Variants in OSBPL11 observed in about 807,000 individuals in gnomAD.
OSBPL11 encodes oxysterol binding protein like 11, also known as oxysterol-binding protein-related protein 11.
Under a neutral mutation model 84.4 loss-of-function variants are expected in OSBPL11, and 33 were observed. That is an observed-to-expected ratio of 0.39 (90% confidence interval 0.30 to 0.52). The LOEUF is 0.52. OSBPL11 is among the 20% of genes least tolerant of loss of function. The pLI is 0.72. For missense variants in OSBPL11, 736 were observed against 901.1 expected, an observed-to-expected ratio of 0.82 and a Z score of 2.35; for synonymous variants, 276 against 310.2, an observed-to-expected ratio of 0.89 and a Z score of 1.16.
At chr3:125,572,429 G>A (rs1166287292) in intron 5 of OSBPL11, among the ~76,000 whole-genome samples, 1 of 152,094 alleles carries the variant, frequency 6.6e-6, no homozygotes, top group East Asian at 1.9e-4. Context: ...ATGAGATTTG[G>A]GAGGGGCCAG....
chr3:125,566,630 C>G (rs1433585889), intron 6 of OSBPL11, among the ~76,000 whole-genome samples: 1 of 152,126 alleles, frequency 6.6e-6, no homozygotes, highest in Non-Finnish European at 1.5e-5. Flanking sequence ...ACTATCATCA[C>G]TAGCATTATT....
intron 1 of OSBPL11, among the ~76,000 whole-genome samples, chr3:125,592,143 C>A (rs963341586): frequency 6.6e-6 from 1 of 152,186 alleles, no homozygotes; most frequent in Non-Finnish European, 1.5e-5. Flanking sequence ...TCACTGGAGC[C>A]TAGAACTCAA....
chr3:125,589,617 GAAAA>G (rs540034650), intron 1 of OSBPL11, among the ~76,000 whole-genome samples: 2 of 98,504 alleles, frequency 2.0e-5, no homozygotes, highest in Non-Finnish European at 4.3e-5. Flanking sequence ...CCCTGCAGAG[GAAAA>G]AAAAAAAAAA....
At chr3:125,581,481 A>C (rs979942957) in intron 2 of OSBPL11, among the ~76,000 whole-genome samples, 2 of 151,464 alleles carry the variant, frequency 1.3e-5, no homozygotes, top group African/African-American at 4.8e-5. Context: ...GGACTGCCTG[A>C]GCTTAGGAGT....
intron 4 of OSBPL11, among the ~76,000 whole-genome samples, chr3:125,578,441 G>A (rs1936365215): frequency 6.6e-6 from 1 of 152,130 alleles, no homozygotes; most frequent in Non-Finnish European, 1.5e-5. Context: ...ACAATGTTCT[G>A]AAATTAGAAA....
intron 4 of OSBPL11, 120 bp downstream of exon 4, chr3:125,578,839 TA>T (rs1399833387): frequency 1.9e-6 from 1 of 518,076 alleles, no homozygotes; most frequent in Non-Finnish European, 3.4e-6. Flanking sequence ...GGATTATACG[TA>T]TATACTTTAA....
chr3:125,575,754 C>T (rs1283284443), intron 5 of OSBPL11, among the ~76,000 whole-genome samples: 1 of 151,164 alleles, frequency 6.6e-6, no homozygotes, highest in Non-Finnish European at 1.5e-5. Flanking sequence ...CCAGGCTGGT[C>T]TCAAACTCCT....
chr3:125,540,016 A>G (rs1935706320), intron 10 of OSBPL11, among the ~76,000 whole-genome samples: 1 of 152,200 alleles, frequency 6.6e-6, no homozygotes, highest in Non-Finnish European at 1.5e-5. Flanking sequence ...CAGGGAGTCC[A>G]GTTTCAGTTT....
In OSBPL11 at chr3:125,595,327, G is replaced by T. The variant is rs1358422325; in HGVS notation, c.-527C>A. 6.6e-6 allele frequency among the ~76,000 whole-genome samples: 1 copy of T among 151,892 alleles called. No homozygotes were observed. The highest frequency in any genetic ancestry group is 1.5e-5 in the Non-Finnish European group (1 of 67,964). On this transcript the variant is annotated 5_prime_UTR_variant, in exon 1 of 13. Transcript: ENST00000296220. Reference sequence around the variant, plus strand: ...CCGGCGCGCGCAGCCGGGGAGGAGGGTCGGGGAATGAGGCCGCCGGGGGCG... The same window carrying T: ...CCGGCGCGCGCAGCCGGGGAGGAGGTTCGGGGAATGAGGCCGCCGGGGGCG...
intron 8 of OSBPL11, among the ~76,000 whole-genome samples, chr3:125,559,077 T>C (rs1307515466): frequency 4.6e-5 from 7 of 152,358 alleles, no homozygotes; most frequent in Admixed American, 4.6e-4. Context: ...ATATTGTCTA[T>C]GGCTGTTTTT....
intron 1 of OSBPL11, among the ~76,000 whole-genome samples, chr3:125,583,816 G>C (rs1270296677): frequency 1.3e-5 from 2 of 152,088 alleles, no homozygotes; most frequent in East Asian, 3.8e-4. Flanking sequence ...ACAGCCACTT[G>C]GGTTTCTGCT....
chr3:125,547,194 G>C (rs1182697894), intron 10 of OSBPL11, among the ~76,000 whole-genome samples: 1 of 152,064 alleles, frequency 6.6e-6, no homozygotes, highest in Non-Finnish European at 1.5e-5. Flanking sequence ...TACTTCATCA[G>C]GAAAATTTTT....
chr3:125,547,903 G>T (rs1164126296), intron 9 of OSBPL11, among the ~76,000 whole-genome samples: 1 of 152,002 alleles, frequency 6.6e-6, no homozygotes, highest in Non-Finnish European at 1.5e-5. Flanking sequence ...TTGAGACGGA[G>T]TTTTGTGCTT....
At chr3:125,547,138 G>A (rs970022450) in intron 10 of OSBPL11, among the ~76,000 whole-genome samples, 3 of 152,164 alleles carry the variant, frequency 2.0e-5, no homozygotes, top group African/African-American at 7.2e-5. Flanking sequence ...TTGGGCCAGA[G>A]ACTGCATGTT....
In OSBPL11 at chr3:125,537,973, C is replaced by T. The variant is rs376893861; in HGVS notation, c.2024+478G>A. ...AATGCCCATTTGCTCACACCTTTTC[C>T]CCAAAGAAGTATTATTTTAAAAACT... On this transcript the variant is annotated intron_variant, in intron 11 of 12. Coordinates refer to ENST00000296220, the MANE Select transcript of OSBPL11 (RefSeq NM_022776.5). Among the ~76,000 whole-genome samples, 3 of 152,268 alleles carry T rather than the reference C, an allele frequency of 2.0e-5. No individual in the cohort carries two copies. The South Asian group carries it at 6.2e-4, about 32-fold the overall frequency.
chr3:125,551,075 G>A (rs35246473), intron 9 of OSBPL11, among the ~76,000 whole-genome samples: 10,119 of 150,978 alleles, frequency 0.067, 460 homozygotes, highest in Non-Finnish European at 0.098. Context: ...GAGGCAGGAG[G>A]ATGGCTTGAG....
intron 5 of OSBPL11, among the ~76,000 whole-genome samples, chr3:125,571,049 A>G (rs1250926613): frequency 2.0e-5 from 3 of 152,230 alleles, no homozygotes; most frequent in Non-Finnish European, 4.4e-5. Flanking sequence ...GGCTTTGCCC[A>G]AAATGCGGAC....
intron 6 of OSBPL11, among the ~76,000 whole-genome samples, chr3:125,565,247 T>TA (rs1174092271): frequency 6.6e-6 from 1 of 151,836 alleles, no homozygotes; most frequent in African/African-American, 2.4e-5. Flanking sequence ...AAATATAAAA[T>TA]AAAAAATATA....
intron 5 of OSBPL11, among the ~76,000 whole-genome samples, chr3:125,567,830 AT>A (rs1936182348): frequency 6.6e-6 from 1 of 151,710 alleles, no homozygotes; most frequent in African/African-American, 2.4e-5. Flanking sequence ...CCAACTCTAC[AT>A]AAAATTTTAA....
Sources: gnomAD v4.1 joint callset for allele counts (sites outside exome capture counted in the v4.1 genomes callset) on GRCh38, gnomAD v4.1.1 for gene constraint, MANE v1.5 for transcripts, NCBI Gene and HGNC (gene_info 2026-07-23, HGNC 2026-07-21) for gene names.